Variants in JPH2 observed in about 807,000 individuals in gnomAD.
The protein encoded by JPH2 is junctophilin-2.
JPH2 carries 38 observed loss-of-function variants against 55.9 expected under a neutral mutation model. The ratio of observed to expected loss-of-function variants is 0.68; its 90% confidence interval spans 0.52 to 0.89. The LOEUF (loss-of-function observed/expected upper bound fraction) is 0.89. JPH2 is among the 40% of genes least tolerant of loss of function. JPH2 has a pLI of 0.00. For missense variants in JPH2, 964 were observed against 1,037.6 expected (o/e 0.93, Z 0.97); for synonymous variants, 480 against 472.4 (o/e 1.02, Z -0.21).
chr20:44,144,432 G>A (rs889819638), intron 2 of JPH2, among the ~76,000 whole-genome samples: 4 of 152,262 alleles, frequency 2.6e-5, no homozygotes, highest in African/African-American at 9.6e-5. Flanking sequence ...ATAACCTTGG[G>A]GGGACAGGGC....
intron 2 of JPH2, among the ~76,000 whole-genome samples, chr20:44,145,710 T>C (rs1350777525): frequency 6.6e-6 from 1 of 152,124 alleles, no homozygotes; most frequent in Non-Finnish European, 1.5e-5. Flanking sequence ...TGTGGAGTTC[T>C]GTCCTCTTTC....
chr20:44,177,845 C>T (rs2072747396), intron 1 of JPH2: 2 of 1,604,830 alleles, frequency 1.2e-6, no homozygotes, highest in African/African-American at 1.3e-5. Flanking sequence ...TTAATTCACC[C>T]TTTGGAATGT....
rs794729024 is a variant in JPH2 at position 44,159,697 on chromosome 20, G to A, written c.1090C>T (p.Gln364Ter). The A allele has an allele frequency of 6.2e-7, 1 of 1,613,128 alleles. No homozygotes were observed. The highest frequency in any genetic ancestry group is 8.5e-7 in the Non-Finnish European group (1 of 1,179,964). The change falls in exon 2 of 6, where the codon CAG becomes TAG. Residue 364 changes from glutamine to a stop codon, truncating the protein, a stop_gained. Coordinates refer to ENST00000372980, the MANE Select transcript of JPH2 (RefSeq NM_020433.5). LOFTEE classifies it high-confidence loss of function. This position sits in a 1 kb window ranked among gnomAD's most constrained non-coding sequence, Gnocchi z 5.7. ...MLQLKSNKVR[Q>*]KVEHSVEGAQ... ...CCCTCCACACTGTGCTCCACTTTCT[G>A]GCGGACCTTGTTGCTCTTGAGCTGC... is the stretch of plus-strand genomic sequence containing the variant.
intron 5 of JPH2, among the ~76,000 whole-genome samples, chr20:44,113,773 A>G (rs1049662697): frequency 1.3e-5 from 2 of 151,780 alleles, no homozygotes; most frequent in African/African-American, 2.4e-5. Flanking sequence ...TTCCTCCCCC[A>G]CTGTCATCTG....
intron 2 of JPH2, 59 bp from the exon 3 acceptor site, chr20:44,118,682 C>G (rs1197681858): frequency 3.0e-6 from 4 of 1,341,062 alleles, no homozygotes; most frequent in Non-Finnish European, 4.2e-6. Flanking sequence ...CCTTCTGCCC[C>G]TTCTCCCCAA....
rs547869448 is a variant in JPH2 at position 44,180,083 on chromosome 20, T to C, written c.379+6244A>G. On this transcript the variant is annotated intron_variant, in intron 1 of 5. Transcript: ENST00000372980. ...AAAACAAAAAGTTAGCTGGGCATGG[T>C]GGCACATGCCTGTAGTCACAGCTAC... 3.3e-5 allele frequency among the ~76,000 whole-genome samples: 5 copies of C among 152,294 alleles called. No individual in the cohort carries two copies. The South Asian group carries it at 1.0e-3, about 32-fold the overall frequency.
At chr20:44,173,895 TGAGA>T (rs1250348402) in intron 1 of JPH2, among the ~76,000 whole-genome samples, 1 of 152,128 alleles carries the variant, frequency 6.6e-6, no homozygotes, top group Non-Finnish European at 1.5e-5. Context: ...CCTGGGCGAC[TGAGA>T]GAGACTCCGA....
chr20:44,139,314 T>C (rs978962150), intron 2 of JPH2, among the ~76,000 whole-genome samples: 8 of 152,186 alleles, frequency 5.3e-5, no homozygotes, highest in African/African-American at 1.7e-4. Context: ...CAGAGAGCCT[T>C]TGATCCAGCA....
intron 1 of JPH2, among the ~76,000 whole-genome samples, chr20:44,184,121 C>T (rs148279327): frequency 3.7e-3 from 565 of 152,316 alleles, no homozygotes; most frequent in Admixed American, 6.3e-3. Flanking sequence ...TGTGCCACTG[C>T]ACTCCAGCCT....
chr20:44,114,004 AGG>A (rs1015276278), intron 5 of JPH2, among the ~76,000 whole-genome samples: 3 of 152,236 alleles, frequency 2.0e-5, no homozygotes, highest in Admixed American at 6.5e-5. Context: ...GGATCAAAAA[AGG>A]GGGCCTGAGG....
rs1387118472 is a variant in JPH2 at position 44,109,133 on chromosome 20, T to C, written c.*4385A>G. Among the ~76,000 whole-genome samples the C allele has an allele frequency of 6.6e-6, 1 of 152,186 alleles. No homozygotes were observed. Among genetic ancestry groups the C allele is most frequent in the African/African-American group, 2.4e-5 (1 of 41,432 alleles). On this transcript the variant is annotated 3_prime_UTR_variant, in exon 6 of 6. Coordinates refer to ENST00000372980, the MANE Select transcript of JPH2 (RefSeq NM_020433.5). Reference sequence around the variant, plus strand: ...GCTCACTCTTTCATGGTGGGAGCAGTGTGGTTCTGTAAAAGAGCACAGCTC... The same window carrying C: ...GCTCACTCTTTCATGGTGGGAGCAGCGTGGTTCTGTAAAAGAGCACAGCTC...
Position 44,159,958 on chromosome 20 carries a change from C to A in JPH2, c.829G>T (p.Ala277Ser), listed in dbSNP as rs368516996. 19 of 1,600,606 alleles carry A rather than the reference C, an allele frequency of 1.2e-5. No homozygotes were observed. In the African/African-American group the frequency reaches 1.9e-4, roughly 16 times the overall value. Reference sequence around the variant, plus strand: ...GCGTCGATATCGGCCTCGAAGGGTGCGGCCTCGTCGGCGCCCTCGGCGGCC... The same window carrying A: ...GCGTCGATATCGGCCTCGAAGGGTGAGGCCTCGTCGGCGCCCTCGGCGGCC... ...GEAAEGADEA[A>S]PFEADIDATT... Residue 277 changes from alanine (A) to serine (S), a missense_variant, in exon 2 of 6, where the codon GCA becomes TCA. Ala to Ser is a moderately conservative substitution (Grantham distance 99). Coordinates refer to ENST00000372980, the MANE Select transcript of JPH2 (RefSeq NM_020433.5). The surrounding 1 kb of genome is among the most constrained non-coding windows in gnomAD (Gnocchi z 5.7).
intron 2 of JPH2, among the ~76,000 whole-genome samples, chr20:44,157,027 G>A (rs1200954660): frequency 1.3e-5 from 2 of 152,194 alleles, no homozygotes; most frequent in African/African-American, 2.4e-5. Context: ...GTAGTCTTGG[G>A]CATGTTACAT....
At chr20:44,146,758 A>G (rs1222551530) in intron 2 of JPH2, among the ~76,000 whole-genome samples, 3 of 152,238 alleles carry the variant, frequency 2.0e-5, no homozygotes, top group African/African-American at 7.2e-5. Context: ...ACGGAACACC[A>G]GATTTTCTTC....
intron 2 of JPH2, among the ~76,000 whole-genome samples, chr20:44,124,876 G>C (rs1337025011): frequency 6.6e-6 from 1 of 152,006 alleles, no homozygotes; most frequent in Non-Finnish European, 1.5e-5. Context: ...GGGATGCTGA[G>C]GCGGGTGGAT....
At chr20:44,127,085 T>A (rs1371113598) in intron 2 of JPH2, among the ~76,000 whole-genome samples, 1 of 152,254 alleles carries the variant, frequency 6.6e-6, no homozygotes, top group Non-Finnish European at 1.5e-5. Context: ...CATATGGATG[T>A]GTCATCTAAA....
chr20:44,180,791 C>T (rs73908587), intron 1 of JPH2, among the ~76,000 whole-genome samples: 17 of 152,182 alleles, frequency 1.1e-4, no homozygotes, highest in African/African-American at 4.1e-4. Context: ...CGTATGTTCA[C>T]ATCACGCCTG....
At chr20:44,133,463 G>C (rs901445870) in intron 2 of JPH2, among the ~76,000 whole-genome samples, 4 of 151,962 alleles carry the variant, frequency 2.6e-5, no homozygotes, top group Non-Finnish European at 5.9e-5. Flanking sequence ...CCTCCTTTGG[G>C]GGCAGCCACA....
At chr20:44,141,219 C>T (rs375934456) in intron 2 of JPH2, among the ~76,000 whole-genome samples, 133 of 152,280 alleles carry the variant, frequency 8.7e-4, no homozygotes, top group African/African-American at 3.1e-3. Flanking sequence ...GCAACGCATC[C>T]GGCTAAAAAT....
Sources: gnomAD v4.1 joint callset for allele counts (sites outside exome capture counted in the v4.1 genomes callset) on GRCh38, gnomAD v4.1.1 for gene constraint, Gnocchi (gnomAD v3.1) non-coding constraint, MANE v1.5 for transcripts, NCBI Gene and HGNC (gene_info 2026-07-23, HGNC 2026-07-21) for gene names.